Variants in GPC6 observed in about 807,000 individuals in gnomAD.
GPC6 encodes the protein glypican 6.
GPC6 carries 14 observed loss-of-function variants against 55.2 expected under a neutral mutation model. That is an observed-to-expected ratio of 0.25 (90% confidence interval 0.17 to 0.40). GPC6 has a LOEUF of 0.40. GPC6 is among the 10% of genes least tolerant of loss of function. The pLI is 1.00. For synonymous variants in GPC6, 278 were observed against 259.6 expected, an observed-to-expected ratio of 1.07 and a Z score of -0.68; for missense variants, 641 against 708.5, an observed-to-expected ratio of 0.90 and a Z score of 1.08.
intron 1 of GPC6, among the ~76,000 whole-genome samples, chr13:93,349,364 T>G (rs1566311361): frequency 6.6e-6 from 1 of 152,252 alleles, no homozygotes; most frequent in East Asian, 1.9e-4. Context: ...TCAGAAAAAT[T>G]GATTTTGCTT....
At chr13:93,987,121 G>A (rs915205502) in intron 3 of GPC6, among the ~76,000 whole-genome samples, 1 of 152,048 alleles carries the variant, frequency 6.6e-6, no homozygotes, top group Non-Finnish European at 1.5e-5. Flanking sequence ...ATGAGAATGT[G>A]ATAAAGATCA....
chr13:93,715,923 T>C (rs553900255), intron 2 of GPC6, among the ~76,000 whole-genome samples: 1 of 151,774 alleles, frequency 6.6e-6, no homozygotes, highest in East Asian at 2.0e-4. Context: ...CTGTCTATTC[T>C]AGATATCATA....
chr13:93,998,697 AAATT>A (rs535527822), intron 3 of GPC6, among the ~76,000 whole-genome samples: 101 of 152,280 alleles, frequency 6.6e-4, no homozygotes, highest in Non-Finnish European at 1.2e-3. Context: ...GATTTTTAAA[AAATT>A]AATTAATTTT....
intron 3 of GPC6, among the ~76,000 whole-genome samples, chr13:93,971,425 A>G (rs1355147404): frequency 6.6e-6 from 1 of 152,236 alleles, no homozygotes; most frequent in Non-Finnish European, 1.5e-5. Flanking sequence ...AATAAATTGA[A>G]AATAAAATTT....
intron 1 of GPC6, among the ~76,000 whole-genome samples, chr13:93,444,045 G>T (rs2139292462): frequency 6.6e-6 from 1 of 152,086 alleles, no homozygotes; most frequent in African/African-American, 2.4e-5. Flanking sequence ...ACTATATTTT[G>T]TATTCTCAAG....
intron 1 of GPC6, among the ~76,000 whole-genome samples, chr13:93,419,524 T>G (rs1050137705): frequency 1.3e-5 from 2 of 152,128 alleles, no homozygotes; most frequent in Admixed American, 6.6e-5. Context: ...TGGAGCTAAG[T>G]GCTTGGAATA....
In GPC6 at chr13:94,351,303, T is replaced by G. The variant is rs1878531651; in HGVS notation, c.1153-31111T>G. On this transcript the variant is annotated intron_variant, in intron 6 of 8. Transcript: ENST00000377047. The stretch of plus-strand genomic sequence containing the variant: ...GGGGACAGAGAACCACGGTGATCCC[T>G]CTACACTCTCCTGCCTAATGAGAAT... Among the ~76,000 whole-genome samples, 3 of 152,058 alleles carry G rather than the reference T, an allele frequency of 2.0e-5. No homozygotes were observed. In the South Asian group the frequency reaches 6.2e-4, roughly 32 times the overall value.
At chr13:94,314,352 G>A (rs1490909857) in intron 6 of GPC6, among the ~76,000 whole-genome samples, 1 of 152,186 alleles carries the variant, frequency 6.6e-6, no homozygotes, top group Non-Finnish European at 1.5e-5. Flanking sequence ...CCTTAATATA[G>A]GCCATGTCTA....
At chr13:93,664,966 G>GA (rs1321290283) in intron 2 of GPC6, among the ~76,000 whole-genome samples, 2 of 152,226 alleles carry the variant, frequency 1.3e-5, no homozygotes, top group African/African-American at 4.8e-5. Flanking sequence ...TCTCAGTGTT[G>GA]AAAAAATGTG....
intron 1 of GPC6, among the ~76,000 whole-genome samples, chr13:93,348,509 G>C (rs1286952805): frequency 6.6e-6 from 1 of 152,114 alleles, no homozygotes; most frequent in African/African-American, 2.4e-5. Flanking sequence ...AGAGGATGAG[G>C]TTAATTGTTA....
At chr13:93,824,598 T>C (rs1255753713) in intron 2 of GPC6, among the ~76,000 whole-genome samples, 1 of 152,122 alleles carries the variant, frequency 6.6e-6, no homozygotes, top group Non-Finnish European at 1.5e-5. Context: ...CTTTTTTTTT[T>C]TTAAACAAAG....
intron 1 of GPC6, among the ~76,000 whole-genome samples, chr13:93,500,779 C>T (rs1880492137): frequency 6.6e-6 from 1 of 152,114 alleles, no homozygotes; most frequent in Non-Finnish European, 1.5e-5. Flanking sequence ...TAAAAATAGA[C>T]AATGAGCACT....
At chr13:93,382,386 A>T (rs1875216845) in intron 1 of GPC6, among the ~76,000 whole-genome samples, 1 of 152,176 alleles carries the variant, frequency 6.6e-6, no homozygotes, top group Non-Finnish European at 1.5e-5. Flanking sequence ...TTTAACTTAA[A>T]ATTGACTTCA....
intron 2 of GPC6, among the ~76,000 whole-genome samples, chr13:93,809,133 G>T (rs927565852): frequency 6.6e-6 from 1 of 152,172 alleles, no homozygotes; most frequent in East Asian, 1.9e-4. Context: ...TATCAGTCTT[G>T]TAACTACCTG....
At chr13:93,687,007 A>C (rs1455323257) in intron 2 of GPC6, among the ~76,000 whole-genome samples, 1 of 152,044 alleles carries the variant, frequency 6.6e-6, no homozygotes, top group African/African-American at 2.4e-5. Context: ...ACATACAATA[A>C]ATTAAAATAC....
At chr13:93,960,492 T>C (rs1378907079) in intron 3 of GPC6, among the ~76,000 whole-genome samples, 10 of 152,156 alleles carry the variant, frequency 6.6e-5, no homozygotes, top group Non-Finnish European at 2.9e-5. Flanking sequence ...GGATGGAAGA[T>C]GGAAGAAGCA....
At chr13:93,402,511 G>T (rs1876129557) in intron 1 of GPC6, among the ~76,000 whole-genome samples, 1 of 152,122 alleles carries the variant, frequency 6.6e-6, no homozygotes, top group South Asian at 2.1e-4. Flanking sequence ...AGCTGCATTT[G>T]ATGCATGAAA....
At chr13:93,741,603 C>T (rs1884206036) in intron 2 of GPC6, among the ~76,000 whole-genome samples, 1 of 152,148 alleles carries the variant, frequency 6.6e-6, no homozygotes, top group African/African-American at 2.4e-5. Context: ...CATAGCCCCG[C>T]CCCTGAGTTT....
intron 4 of GPC6, among the ~76,000 whole-genome samples, chr13:94,182,983 G>T (rs972903753): frequency 2.0e-5 from 3 of 152,062 alleles, no homozygotes; most frequent in Non-Finnish European, 2.9e-5. Context: ...TCACTGTGTT[G>T]CCCAGGCTGG....
Sources: allele counts gnomAD v4.1 joint callset (sites outside exome capture counted in the v4.1 genomes callset), GRCh38; gene constraint gnomAD v4.1.1; transcripts MANE v1.5; gene names NCBI Gene and HGNC (gene_info 2026-07-23, HGNC 2026-07-21).